DNM3: variants seen among roughly 807,000 people sequenced by gnomAD.
The protein encoded by DNM3 is dynamin-3.
A neutral mutation model predicts 101.6 loss-of-function variants in DNM3; 47 were observed. That is an observed-to-expected ratio of 0.46 (90% confidence interval 0.37 to 0.59). DNM3 has a LOEUF of 0.59. Among genes scored for constraint, DNM3 ranks in the 20% least tolerant of loss-of-function variants. The probability of loss-of-function intolerance (pLI) is 0.00; values close to 1 mark genes in which losing one functional copy is unlikely to be tolerated. For missense variants in DNM3, 849 were observed against 1,085.7 expected (o/e 0.78, Z 3.06); for synonymous variants, 385 against 387.9 (o/e 0.99, Z 0.09).
chr1:171,936,359 A>AAAG (rs1553305749), intron 2 of DNM3, among the ~76,000 whole-genome samples: 3 of 150,716 alleles, frequency 2.0e-5, no homozygotes, highest in Non-Finnish European at 3.0e-5. Context: ...TCAAAAAAAG[A>AAAG]AAAGAAAGAA....
chr1:172,339,221 G>C (rs1345244234), intron 17 of DNM3, among the ~76,000 whole-genome samples: 1 of 152,174 alleles, frequency 6.6e-6, no homozygotes, highest in Admixed American at 6.5e-5. Context: ...ACTTCTCAGT[G>C]TATTGAATGC....
intron 15 of DNM3, among the ~76,000 whole-genome samples, chr1:172,296,483 C>G (rs1369659953): frequency 6.6e-6 from 1 of 152,178 alleles, no homozygotes; most frequent in Non-Finnish European, 1.5e-5. Context: ...TCAAAACAAC[C>G]CTCCTATGTC....
intron 2 of DNM3, among the ~76,000 whole-genome samples, chr1:171,956,577 A>G (rs897556324): frequency 1.3e-5 from 2 of 152,030 alleles, no homozygotes; most frequent in African/African-American, 4.8e-5. Flanking sequence ...CCAGGTGCAT[A>G]GTGCAGGCTG....
At chr1:172,332,438 T>A (rs1423033161) in intron 17 of DNM3, among the ~76,000 whole-genome samples, 1 of 152,162 alleles carries the variant, frequency 6.6e-6, no homozygotes, top group Admixed American at 6.6e-5. Context: ...GCATCCTGAG[T>A]AGCTGGGACT....
downstream of DNM3, among the ~76,000 whole-genome samples, chr1:172,413,008 G>A (rs188925047): frequency 3.4e-3 from 525 of 152,310 alleles, 2 homozygotes; most frequent in African/African-American, 0.012. Context: ...TGATGTGACA[G>A]TTACCAAGAA....
chr1:172,201,624 A>G (rs1016683083), intron 14 of DNM3, among the ~76,000 whole-genome samples: 1 of 152,172 alleles, frequency 6.6e-6, no homozygotes, highest in Non-Finnish European at 1.5e-5. Flanking sequence ...TGGGTTGACT[A>G]CAGCTTGTTG....
intron 20 of DNM3, among the ~76,000 whole-genome samples, chr1:172,401,183 G>A (rs976382288): frequency 1.3e-5 from 2 of 152,128 alleles, no homozygotes; most frequent in Admixed American, 6.6e-5. Context: ...AAACTAGCCC[G>A]ATACTTATTT....
chr1:171,891,448 T>G (rs1429359325), intron 1 of DNM3, among the ~76,000 whole-genome samples: 1 of 152,152 alleles, frequency 6.6e-6, no homozygotes, highest in African/African-American at 2.4e-5. Flanking sequence ...TTGTTGCAAT[T>G]AATGAACCAC....
At chr1:172,405,639 T>A (rs2070825824) in intron 20 of DNM3, among the ~76,000 whole-genome samples, 1 of 152,052 alleles carries the variant, frequency 6.6e-6, no homozygotes, top group Admixed American at 6.6e-5. Context: ...AATCACCTAA[T>A]TAATTCCATT....
chr1:172,356,085 C>T (rs1322902446), intron 17 of DNM3, among the ~76,000 whole-genome samples: 2 of 152,070 alleles, frequency 1.3e-5, no homozygotes, highest in East Asian at 1.9e-4. Flanking sequence ...CAAGCTACAG[C>T]TGAATACCTA....
intron 14 of DNM3, among the ~76,000 whole-genome samples, chr1:172,220,384 A>G (rs180780108): frequency 2.6e-5 from 4 of 152,290 alleles, no homozygotes; most frequent in East Asian, 1.9e-4. Flanking sequence ...AATAAATACA[A>G]TATACAAAGA....
chr1:172,109,537 C>T (rs2055304571), intron 13 of DNM3, among the ~76,000 whole-genome samples: 1 of 152,174 alleles, frequency 6.6e-6, no homozygotes, highest in African/African-American at 2.4e-5. Flanking sequence ...GTCTCCTCTT[C>T]CTGGAGTTCA....
chr1:171,949,072 A>G (rs2042341739), intron 2 of DNM3, among the ~76,000 whole-genome samples: 1 of 152,146 alleles, frequency 6.6e-6, no homozygotes, highest in Admixed American at 6.6e-5. Context: ...GAAATTTATC[A>G]TTTTCATGAG....
intron 2 of DNM3, among the ~76,000 whole-genome samples, chr1:171,936,551 A>C (rs192114599): frequency 8.5e-5 from 13 of 152,314 alleles, no homozygotes; most frequent in Admixed American, 5.2e-4. Context: ...AAGAAATCAC[A>C]AAGTAAATAA....
At chr1:171,918,735 T>C (rs562039577) in intron 1 of DNM3, among the ~76,000 whole-genome samples, 5 of 152,336 alleles carry the variant, frequency 3.3e-5, no homozygotes, top group Admixed American at 6.5e-5. Flanking sequence ...TTACTCTTAA[T>C]GCAAAGTTCT....
chr1:172,307,568 C>T (rs779088914), intron 15 of DNM3, among the ~76,000 whole-genome samples: 11 of 152,114 alleles, frequency 7.2e-5, no homozygotes, highest in Non-Finnish European at 1.2e-4. Flanking sequence ...TAAAGACACA[C>T]GCACACGTAT....
intron 1 of DNM3, among the ~76,000 whole-genome samples, chr1:171,874,582 T>C (rs539319120): frequency 3.9e-5 from 6 of 152,208 alleles, no homozygotes; most frequent in Non-Finnish European, 8.8e-5. Flanking sequence ...GTTCATTACA[T>C]GGCAAATGCA....
chr1:171,884,196 T>C (rs2036567177), intron 1 of DNM3, among the ~76,000 whole-genome samples: 1 of 152,238 alleles, frequency 6.6e-6, no homozygotes, highest in Admixed American at 6.5e-5. Flanking sequence ...ACGTGGTTTC[T>C]GATTTGGTTC....
At chr1:171,890,773 T>C (rs926263730) in intron 1 of DNM3, among the ~76,000 whole-genome samples, 1 of 152,316 alleles carries the variant, frequency 6.6e-6, no homozygotes, top group Non-Finnish European at 1.5e-5. Flanking sequence ...ATTTTTGTGA[T>C]GATTATTAGA....
Sources: allele counts gnomAD v4.1 joint callset (sites outside exome capture counted in the v4.1 genomes callset), GRCh38; gene constraint gnomAD v4.1.1; transcripts MANE v1.5; gene names NCBI Gene and HGNC (gene_info 2026-07-23, HGNC 2026-07-21).